Variants in CALN1 observed in about 807,000 individuals in gnomAD.
CALN1 encodes the protein calcium-binding protein 8.
A neutral mutation model predicts 30.6 loss-of-function variants in CALN1; 17 were observed. The observed-to-expected ratio is 0.56, with a 90% CI of 0.38 to 0.83. CALN1 has a LOEUF of 0.83. CALN1 is among the 40% of genes least tolerant of loss of function. CALN1 has a pLI of 0.00. For missense variants in CALN1, 291 were observed against 354.9 expected (o/e 0.82, Z 1.45); for synonymous variants, 156 against 131.4 (o/e 1.19, Z -1.28).
chr7:71,819,349 C>T lies in CALN1; in HGVS notation c.502-8857G>A, dbSNP rs188145107. ...TCAGCCTCCTGAGTAGCTGAGATTACAGGCATCTGCCACCACACCCGGCTA... is the reference window on the plus strand; with the variant it reads ...TCAGCCTCCTGAGTAGCTGAGATTATAGGCATCTGCCACCACACCCGGCTA... On this transcript the variant is annotated intron_variant, in intron 5 of 6. Transcript: ENST00000395275. Among the ~76,000 whole-genome samples, 35 of 152,082 alleles carry T rather than the reference C, an allele frequency of 2.3e-4. 1 individual carries two copies. The East Asian group carries it at 6.6e-3, about 29-fold the overall frequency.
chr7:71,971,953 A>AAAAGAAAGAAAAAAAG (rs1797840873), intron 5 of CALN1, among the ~76,000 whole-genome samples: 1 of 72,838 alleles, frequency 1.4e-5, no homozygotes, highest in Non-Finnish European at 2.2e-5. Flanking sequence ...AAAAAAAAAA[A>AAAAGAAAGAAAAAAAG]AAAGAAAGAA....
rs185809160 is a variant in CALN1, at chr7:72,190,486, T to G, written c.245-84192A>C. On this transcript the variant is annotated intron_variant, in intron 3 of 6. Coordinates refer to ENST00000395275, the MANE Select transcript of CALN1 (RefSeq NM_031468.4). ...CCAGACTTATTTGACTGTGGACCTT[T>G]CCCCTGGCACATCTATTCACATTTC... 8.5e-4 allele frequency among the ~76,000 whole-genome samples: 130 copies of G among 152,198 alleles called. 1 individual carries two copies. Among genetic ancestry groups the G allele is most frequent in the Non-Finnish European group, 2.6e-4 (18 of 68,020 alleles).
chr7:72,434,899 A>G (rs969301018), intron 1 of CALN1, among the ~76,000 whole-genome samples: 1 of 152,190 alleles, frequency 6.6e-6, no homozygotes, highest in Non-Finnish European at 1.5e-5. Context: ...TAGCTGAGCT[A>G]AGAAAAATTT....
intron 3 of CALN1, among the ~76,000 whole-genome samples, chr7:72,130,784 C>A (rs529911691): frequency 1.3e-5 from 2 of 152,262 alleles, no homozygotes; most frequent in East Asian, 3.9e-4. Flanking sequence ...TAAAAGTACA[C>A]ACTAAATCAT....
At chr7:72,390,834 A>G (rs1034619024) in intron 2 of CALN1, among the ~76,000 whole-genome samples, 2 of 152,330 alleles carry the variant, frequency 1.3e-5, no homozygotes, top group Non-Finnish European at 1.5e-5. Flanking sequence ...TCTGTTTAGT[A>G]TTTTTGATAC....
chr7:72,119,075 G>A (rs1808198481), intron 3 of CALN1, among the ~76,000 whole-genome samples: 1 of 152,184 alleles, frequency 6.6e-6, no homozygotes, highest in Admixed American at 6.5e-5. Flanking sequence ...TTTCTGTGTG[G>A]TGAGATTACA....
At chr7:72,233,330 G>C (rs1794246574) in intron 3 of CALN1, among the ~76,000 whole-genome samples, 1 of 152,088 alleles carries the variant, frequency 6.6e-6, no homozygotes, top group Non-Finnish European at 1.5e-5. Context: ...AGACGGTCTC[G>C]GGGAGTTGCC....
intron 2 of CALN1, among the ~76,000 whole-genome samples, chr7:72,284,541 T>C (rs567954238): frequency 2.1e-4 from 32 of 152,280 alleles, no homozygotes; most frequent in Non-Finnish European, 3.5e-4. Context: ...CAACAGTGAA[T>C]AGAATGATAG....
intron 4 of CALN1, among the ~76,000 whole-genome samples, chr7:72,045,756 T>C (rs185607181): frequency 5.5e-4 from 83 of 152,070 alleles, no homozygotes; most frequent in Non-Finnish European, 1.1e-3. Context: ...TCCCAACACT[T>C]TGGGAGGCAG....
chr7:72,214,439 A>C (rs1290943095), intron 3 of CALN1, among the ~76,000 whole-genome samples: 1 of 152,082 alleles, frequency 6.6e-6, no homozygotes, highest in Non-Finnish European at 1.5e-5. Context: ...AGATCGCTCC[A>C]CTGCACTCCA....
chr7:71,899,986 C>A (rs2116934361), intron 5 of CALN1, among the ~76,000 whole-genome samples: 1 of 152,246 alleles, frequency 6.6e-6, no homozygotes, highest in Admixed American at 6.5e-5. Context: ...AAGGGCAAAA[C>A]CTTTTAAATC....
the CALN1 span, among the ~76,000 whole-genome samples, chr7:72,465,104 A>T: frequency 2.7e-4 from 41 of 152,244 alleles, no homozygotes; most frequent in African/African-American, 9.9e-4. Flanking sequence ...GATATCTCAG[A>T]TGCCTCTCTC....
chr7:72,402,035 C>T (rs1806375739), intron 2 of CALN1, among the ~76,000 whole-genome samples: 1 of 152,174 alleles, frequency 6.6e-6, no homozygotes, highest in South Asian at 2.1e-4. Context: ...GAGACCATCC[C>T]AAGATGATCT....
At chr7:71,892,530 C>G (rs1793301810) in intron 5 of CALN1, among the ~76,000 whole-genome samples, 1 of 152,204 alleles carries the variant, frequency 6.6e-6, no homozygotes, top group Admixed American at 6.5e-5. Context: ...CCCCGCTACT[C>G]AGGAGAATCG....
chr7:71,810,125 C>T (rs912571276), intron 6 of CALN1, among the ~76,000 whole-genome samples: 2 of 151,972 alleles, frequency 1.3e-5, no homozygotes, highest in Non-Finnish European at 2.9e-5. Flanking sequence ...GGAGATTCTG[C>T]AAAAAATGCA....
chr7:72,054,448 CAT>C (rs760013013), intron 4 of CALN1, among the ~76,000 whole-genome samples: 33,115 of 102,142 alleles, frequency 0.32, 6,435 homozygotes, highest in Non-Finnish European at 0.41. Context: ...TATATATATA[CAT>C]ATATATACAT....
intron 4 of CALN1, among the ~76,000 whole-genome samples, chr7:72,062,093 C>A (rs1198335469): frequency 2.0e-5 from 3 of 152,084 alleles, no homozygotes; most frequent in Non-Finnish European, 4.4e-5. Flanking sequence ...AATTCTACAT[C>A]CAGTGGAAAC....
intron 1 of CALN1, among the ~76,000 whole-genome samples, chr7:72,411,832 T>G (rs1322293088): frequency 6.6e-6 from 1 of 152,206 alleles, no homozygotes; most frequent in Non-Finnish European, 1.5e-5. Flanking sequence ...ACAATTGTCC[T>G]GCTTTTTCCA....
intron 1 of CALN1, among the ~76,000 whole-genome samples, chr7:72,403,740 A>C (rs1469910993): frequency 6.6e-6 from 1 of 152,196 alleles, no homozygotes; most frequent in East Asian, 1.9e-4. Context: ...GAGTATGTGC[A>C]GTGTGGAGAA....
Sources: allele counts gnomAD v4.1 joint callset (sites outside exome capture counted in the v4.1 genomes callset), GRCh38; gene constraint gnomAD v4.1.1; transcripts MANE v1.5; gene names NCBI Gene and HGNC (gene_info 2026-07-23, HGNC 2026-07-21).